The following SEC62 variants were observed in gnomAD, a reference collection of about 807,000 sequenced individuals.
SEC62 encodes the protein SEC62 preprotein translocation factor.
A neutral mutation model predicts 47.5 loss-of-function variants in SEC62; 10 were observed. The ratio of observed to expected loss-of-function variants is 0.21; its 90% confidence interval spans 0.13 to 0.36. SEC62 has a LOEUF of 0.36. Ranked by LOEUF, SEC62 falls within the 10% of genes least tolerant of loss-of-function variation. The pLI is 1.00. For synonymous variants in SEC62, 136 were observed against 150.5 expected (o/e 0.90, Z 0.71); for missense variants, 327 against 464.1 (o/e 0.70, Z 2.71).
At position 169,975,499 on chromosome 3, in the gene SEC62, G is replaced by A; in HGVS notation, c.37-109G>A. The A allele has an allele frequency of 4.4e-6, 3 of 683,258 alleles. No homozygotes were observed. The East Asian group carries it at 8.5e-5, about 19-fold the overall frequency. 42.3% of individuals were successfully genotyped at this position (683,258 alleles called of 1,614,324 possible). On this transcript the variant is annotated intron_variant, in intron 1 of 7. Coordinates refer to ENST00000337002, the MANE Select transcript of SEC62 (RefSeq NM_003262.4). ...CGCTCCAGAGAAAGCTTGAAAGCAA[G>A]GCCTGTACTCCACTTGAAAAGATTC...
At position 169,997,165 on chromosome 3, in the gene SEC62, G is replaced by A. The variant is rs188538988; in HGVS notation, c.*4102G>A. The A allele has an allele frequency of 1.3e-5, 2 of 152,184 alleles. No homozygotes were observed. Among genetic ancestry groups the A allele is most frequent in the African/African-American group, 2.4e-5 (1 of 41,452 alleles). 9.4% of individuals were successfully genotyped at this position (152,184 alleles called of 1,614,324 possible). A position where few individuals can be genotyped will look rare whatever the true frequency, so the allele number is the denominator to read the frequency against. ...GCAGTTAGTTGTGAGTTTCTGAGTA[G>A]GTCCCAATGCGTTTATTTCATTTGT... On this transcript the variant is annotated 3_prime_UTR_variant, in exon 8 of 8. Transcript: ENST00000337002.
At chr3:169,976,289 G>A (rs1170497006) in intron 2 of SEC62, among the ~76,000 whole-genome samples, 1 of 152,106 alleles carries the variant, frequency 6.6e-6, no homozygotes, top group Non-Finnish European at 1.5e-5. Flanking sequence ...GATGGCTTGA[G>A]CCCAGGAGTT....
At chr3:169,985,888 C>T in intron 6 of SEC62, 23 bp downstream of exon 6, 1 of 1,530,748 alleles carries the variant, frequency 6.5e-7, no homozygotes. Flanking sequence ...ATGTTAATAG[C>T]TATAAAGTGC....
intron 1 of SEC62, among the ~76,000 whole-genome samples, chr3:169,973,234 A>G (rs1364590660): frequency 6.6e-6 from 1 of 152,198 alleles, no homozygotes; most frequent in African/African-American, 2.4e-5. Context: ...GGTTTCAAAA[A>G]TTTTAATTAG....
At chr3:169,969,783 G>C (rs1009783740) in intron 1 of SEC62, among the ~76,000 whole-genome samples, 1 of 152,156 alleles carries the variant, frequency 6.6e-6, no homozygotes, top group African/African-American at 2.4e-5. Context: ...ATTATGCAAC[G>C]TAAAGACTTA....
At chr3:169,979,232 C>A (rs1420365825) in intron 3 of SEC62, among the ~76,000 whole-genome samples, 1 of 152,116 alleles carries the variant, frequency 6.6e-6, no homozygotes, top group Non-Finnish European at 1.5e-5. Context: ...CTAATATAAC[C>A]GTAGAGTCTT....
chr3:169,969,466 T>A, intron 1 of SEC62: 1 of 407,914 alleles, frequency 2.5e-6, no homozygotes, highest in South Asian at 1.7e-5. Context: ...ACAATCCTGG[T>A]ATCAAGAAAT....
At chr3:169,983,388 T>G (rs970882175) in intron 5 of SEC62, 135 bp downstream of exon 5, 3 of 466,076 alleles carry the variant, frequency 6.4e-6, no homozygotes, top group African/African-American at 6.1e-5. Context: ...CTACTCCATT[T>G]TTAAAAATCA....
rs759646862 is a variant in SEC62, at chr3:169,975,662, A to G, written c.91A>G (p.Asn31Asp). ...GGCTGTGGCCAAGTATCTTCGATTC[A>G]ACTGTCCAACAAAGTCCACCAATAT... ...EKAVAKYLRFNCPTKSTNMMG... is the reference protein window; with the variant it reads ...EKAVAKYLRFDCPTKSTNMMG... Residue 31 changes from asparagine (N) to aspartate (D), a missense_variant, in exon 2 of 8, where the codon AAC (asparagine) becomes GAC (aspartate). By Grantham distance (23) the Asn-to-Asp change is conservative. Around this residue, in one of 3 missense-constraint regions of SEC62, gnomAD observed 126 missense variants for 161.2 expected, o/e 0.78. Transcript: ENST00000337002. The G allele has an allele frequency of 6.2e-7, 1 of 1,613,976 alleles. No homozygotes were observed. Among genetic ancestry groups the G allele is most frequent in the South Asian group, 1.1e-5 (1 of 91,084 alleles).
intron 1 of SEC62, 158 bp from the exon 2 acceptor site, chr3:169,975,450 T>C (rs1559964506): frequency 6.0e-6 from 3 of 503,806 alleles, no homozygotes; most frequent in Non-Finnish European, 3.6e-6. Context: ...TCTCCATTTT[T>C]GTCTTTTGAA....
chr3:169,991,301 G>A (rs1333458359), intron 7 of SEC62, among the ~76,000 whole-genome samples: 2 of 152,020 alleles, frequency 1.3e-5, no homozygotes, highest in East Asian at 1.9e-4. Flanking sequence ...TCACAACTGC[G>A]ATCCCAACTA....
At chr3:169,983,361 T>C (rs1456892179) in intron 5 of SEC62, 108 bp downstream of exon 5, 1 of 559,322 alleles carries the variant, frequency 1.8e-6, no homozygotes, top group Non-Finnish European at 3.1e-6. Flanking sequence ...CTAATTATGC[T>C]CTTAAATGTA....
intron 1 of SEC62, among the ~76,000 whole-genome samples, chr3:169,971,858 G>C (rs1334192502): frequency 6.6e-6 from 1 of 152,110 alleles, no homozygotes; most frequent in Non-Finnish European, 1.5e-5. Context: ...GAGTATATTT[G>C]TATCATGCCT....
chr3:169,972,152 A>G (rs1714713434), intron 1 of SEC62, among the ~76,000 whole-genome samples: 1 of 152,178 alleles, frequency 6.6e-6, no homozygotes. Flanking sequence ...AATCATGTCT[A>G]AATCATTTTT....
intron 1 of SEC62, 98 bp from the exon 2 acceptor site, chr3:169,975,510 C>T: frequency 2.6e-6 from 2 of 783,094 alleles, no homozygotes; most frequent in South Asian, 3.4e-5. Context: ...GCCTGTACTC[C>T]ACTTGAAAAG....
intron 1 of SEC62, chr3:169,969,260 C>A (rs1714633616): frequency 2.2e-6 from 1 of 453,136 alleles, no homozygotes; most frequent in Admixed American, 2.4e-5. Flanking sequence ...AAAAAAGTAG[C>A]TAATTTGCTT....
intron 3 of SEC62, among the ~76,000 whole-genome samples, chr3:169,977,603 T>C (rs544807477): frequency 6.6e-6 from 1 of 152,302 alleles, no homozygotes; most frequent in African/African-American, 2.4e-5. Context: ...TAATAGATAC[T>C]TTTTCTGTTT....
At chr3:169,977,234 CTG>C (rs1396333253) in intron 3 of SEC62, among the ~76,000 whole-genome samples, 183 bp downstream of exon 3, 3 of 151,558 alleles carry the variant, frequency 2.0e-5, no homozygotes, top group Non-Finnish European at 2.9e-5. Context: ...ATACTTTTAA[CTG>C]TATATAATTT....
rs1714783775 is a variant in SEC62 at position 169,974,648 on chromosome 3, AAC to A, written c.37-959_37-958del. Among the ~76,000 whole-genome samples the A allele has an allele frequency of 2.6e-5, 4 of 152,356 alleles. No individual in the cohort carries two copies. The South Asian group carries it at 8.3e-4, about 32-fold the overall frequency. On this transcript the variant is annotated intron_variant, in intron 1 of 7. Transcript: ENST00000337002. ...TCACCTCTTCAAATGAGATAGTAAT[AAC>A]TCTTTTTGCATTTTTCATTTTTGCC... is the stretch of plus-strand genomic sequence containing the variant.
Sources: gnomAD v4.1 joint callset for allele counts (sites outside exome capture counted in the v4.1 genomes callset) on GRCh38, gnomAD v4.1.1 for gene constraint, gnomAD v4.1.1 regional missense constraint, MANE v1.5 for transcripts, NCBI Gene and HGNC (gene_info 2026-07-23, HGNC 2026-07-21) for gene names.